The following GPR26 variants were observed in gnomAD, a reference collection of about 807,000 sequenced individuals.
GPR26 encodes the protein G protein-coupled receptor 26.
A neutral mutation model predicts 23.1 loss-of-function variants in GPR26; 15 were observed. The observed-to-expected ratio is 0.65, with a 90% CI of 0.43 to 1.00. The LOEUF is 1.00. GPR26 is among the 50% of genes least tolerant of loss of function. The probability of loss-of-function intolerance (pLI) is 0.00; values close to 1 mark genes in which losing one functional copy is unlikely to be tolerated. For synonymous variants in GPR26, 228 were observed against 222.1 expected (o/e 1.03, Z -0.24); for missense variants, 359 against 470.5 (o/e 0.76, Z 2.19).
intron 2 of GPR26, among the ~76,000 whole-genome samples, chr10:123,683,848 C>T (rs1305381164): frequency 1.3e-5 from 2 of 152,174 alleles, no homozygotes; most frequent in Non-Finnish European, 2.9e-5. Context: ...CACCCTAAGT[C>T]AGAAAAATAC....
In GPR26 at chr10:123,689,711, T is replaced by C. The variant is rs1030130171; in HGVS notation, c.*1551T>C. The C allele has an allele frequency of 1.3e-5, 2 of 152,224 alleles. No homozygotes were observed. Among genetic ancestry groups the C allele is most frequent in the African/African-American group, 4.8e-5 (2 of 41,454 alleles). 9.4% of individuals were successfully genotyped at this position (152,224 alleles called of 1,614,324 possible). A position where few individuals can be genotyped will look rare whatever the true frequency, so the allele number is the denominator to read the frequency against. ...TTTACTTCTAGGCAGTCCCAATTTT[T>C]AAAGGCAGAGAAGTATCTGCATCTT... On this transcript the variant is annotated 3_prime_UTR_variant, in exon 3 of 3. Coordinates refer to ENST00000284674, the MANE Select transcript of GPR26 (RefSeq NM_153442.4).
At position 123,687,961 on chromosome 10, in the gene GPR26, G is replaced by T; in HGVS notation, c.815G>T (p.Gly272Val). The T allele has an allele frequency of 7.4e-6, 12 of 1,613,424 alleles. No individual in the cohort carries two copies. Among genetic ancestry groups the T allele is most frequent in the Non-Finnish European group, 1.0e-5 (12 of 1,179,588 alleles). ...LVELFSTVPI[G>V]SHWGVLSKCL... ...GAGCTCTTCTCCACGGTGCCCATCG[G>T]CTCCCACTGGGGGGTGCTGTCCAAG... The change falls in exon 3 of 3, where the codon GGC becomes GTC. Residue 272 changes from glycine to valine, a missense_variant. Gly to Val is a moderately radical substitution (Grantham distance 109). Transcript: ENST00000284674.
chr10:123,681,766 T>C (rs1845380450), intron 2 of GPR26, among the ~76,000 whole-genome samples: 1 of 152,262 alleles, frequency 6.6e-6, no homozygotes, highest in Non-Finnish European at 1.5e-5. Flanking sequence ...AACATTCCAG[T>C]GTTCCTGTAG....
intron 1 of GPR26, among the ~76,000 whole-genome samples, chr10:123,667,940 AAAT>A (rs1482885846): frequency 6.6e-6 from 1 of 152,104 alleles, no homozygotes; most frequent in African/African-American, 2.4e-5. Flanking sequence ...GGAGAATAGG[AAAT>A]CGAGGAGGGA....
intron 2 of GPR26, 100 bp from the exon 3 acceptor site, chr10:123,687,829 C>A: frequency 1.4e-6 from 1 of 739,538 alleles, no homozygotes; most frequent in Non-Finnish European, 2.3e-6. Flanking sequence ...GGTTGGGCTG[C>A]GAAACCGTGG....
At chr10:123,671,838 C>T (rs755872199) in intron 1 of GPR26, among the ~76,000 whole-genome samples, 4 of 152,162 alleles carry the variant, frequency 2.6e-5, no homozygotes, top group Non-Finnish European at 5.9e-5. Flanking sequence ...TCAGTGTTCT[C>T]ATCTGAATAT....
rs1845541085 is a variant in GPR26 at position 123,696,162 on chromosome 10, T to C, written c.*8002T>C. ...TCTCCTTCTGCCATAGTATGTCGTG[T>C]GTAGTGGATGCCAGTAGACAACTTT... On this transcript the variant is annotated 3_prime_UTR_variant, in exon 3 of 3. Transcript: ENST00000284674. Among the ~76,000 whole-genome samples, 1 of 152,212 alleles carries C rather than the reference T, an allele frequency of 6.6e-6. No individual in the cohort carries two copies. The highest frequency in any genetic ancestry group is 1.5e-5 in the Non-Finnish European group (1 of 68,036).
rs1340367877 is a variant in GPR26 at position 123,693,149 on chromosome 10, G to A, written c.*4989G>A. The A allele has an allele frequency of 6.6e-6, 1 of 152,192 alleles. No individual in the cohort carries two copies. Among genetic ancestry groups the A allele is most frequent in the Non-Finnish European group, 1.5e-5 (1 of 68,068 alleles). 9.4% of individuals were successfully genotyped at this position (152,192 alleles called of 1,614,324 possible). A position where few individuals can be genotyped will look rare whatever the true frequency, so the allele number is the denominator to read the frequency against. ...CCGTCATATGGCTGCCACTTGCTTG[G>A]GAAGGAATTCTCCAGACTCCTTTTA... is the stretch of plus-strand genomic sequence containing the variant. On this transcript the variant is annotated 3_prime_UTR_variant, in exon 3 of 3. Coordinates refer to ENST00000284674, the MANE Select transcript of GPR26 (RefSeq NM_153442.4).
intron 1 of GPR26, among the ~76,000 whole-genome samples, chr10:123,672,911 A>G (rs1845266663): frequency 6.6e-6 from 1 of 152,166 alleles, no homozygotes; most frequent in Non-Finnish European, 1.5e-5. Flanking sequence ...TGTAATTTAT[A>G]TCTTCTCATC....
intron 2 of GPR26, among the ~76,000 whole-genome samples, chr10:123,686,853 G>A (rs1478761862): frequency 6.6e-6 from 1 of 152,144 alleles, no homozygotes; most frequent in Admixed American, 6.6e-5. Flanking sequence ...TTCCCTCTCT[G>A]GGCCTCAATT....
In GPR26 at chr10:123,694,846, C is replaced by T. The variant is rs1845525209; in HGVS notation, c.*6686C>T. ...TTTGAGGGGCATCTTCATTACACAGCGTGGGGAGGGAAGCATAATTCACTC... is the reference window on the plus strand; with the variant it reads ...TTTGAGGGGCATCTTCATTACACAGTGTGGGGAGGGAAGCATAATTCACTC... On this transcript the variant is annotated 3_prime_UTR_variant, in exon 3 of 3. Transcript: ENST00000284674. Among the ~76,000 whole-genome samples, 1 of 152,050 alleles carries T rather than the reference C, an allele frequency of 6.6e-6. No homozygotes were observed. Among genetic ancestry groups the T allele is most frequent in the Admixed American group, 6.5e-5 (1 of 15,272 alleles).
chr10:123,676,951 C>G (rs1271549310), intron 2 of GPR26, among the ~76,000 whole-genome samples: 1 of 152,204 alleles, frequency 6.6e-6, no homozygotes, highest in Non-Finnish European at 1.5e-5. Context: ...GCACCATCCA[C>G]AGTGCCCCTG....
In GPR26 at chr10:123,691,821, G is replaced by C. The variant is rs1184775874; in HGVS notation, c.*3661G>C. 6.6e-6 allele frequency: 1 copy of C among 152,108 alleles called. No individual in the cohort carries two copies. The highest frequency in any genetic ancestry group is 1.5e-5 in the Non-Finnish European group (1 of 68,028). The allele number at this position is 152,108 out of a possible 1,614,324, so 9.4% of individuals were successfully genotyped here. ...CCTCCTCAGAGATCAATTTCAGCAG[G>C]GCCAGGCAGGACCTGGGTTTCCGCA... On this transcript the variant is annotated 3_prime_UTR_variant, in exon 3 of 3. Coordinates refer to ENST00000284674, the MANE Select transcript of GPR26 (RefSeq NM_153442.4).
chr10:123,676,007 GCCC>G (rs2133925338), intron 2 of GPR26, among the ~76,000 whole-genome samples: 1 of 152,234 alleles, frequency 6.6e-6, no homozygotes, highest in East Asian at 1.9e-4. Context: ...TGGACAGTTC[GCCC>G]TGTTTCCTCC....
At chr10:123,687,226 AG>A (rs1287074511) in intron 2 of GPR26, among the ~76,000 whole-genome samples, 2 of 152,172 alleles carry the variant, frequency 1.3e-5, no homozygotes, top group Non-Finnish European at 2.9e-5. Context: ...CCCAGGGAAG[AG>A]GCCTTCCTTG....
Position 123,674,829 on chromosome 10 carries a change from G to A in GPR26, c.680G>A (p.Arg227His), listed in dbSNP as rs1334968616. The A allele has an allele frequency of 6.8e-6, 11 of 1,612,192 alleles. No homozygotes were observed. Among genetic ancestry groups the A allele is most frequent in the Non-Finnish European group, 7.6e-6 (9 of 1,178,848 alleles). ...LVDLHPSVRERCLEEQKRRRQ... is the reference protein window; with the variant it reads ...LVDLHPSVREHCLEEQKRRRQ... ...TCTCTCACATGCAGTGTGCGGGAAC[G>A]CTGTCTGGAGGAGCAGAAGCGGAGG... The change falls in exon 2 of 3, where the codon CGC (arginine) becomes CAC (histidine). Residue 227 changes from arginine to histidine, a missense_variant. Physicochemically the swap from Arg to His is conservative, Grantham distance 29 (BLOSUM62 0). Transcript: ENST00000284674. This position sits in a 1 kb window ranked among gnomAD's most constrained non-coding sequence, Gnocchi z 4.1.
chr10:123,678,860 G>C (rs1845337825), intron 2 of GPR26, among the ~76,000 whole-genome samples: 1 of 152,174 alleles, frequency 6.6e-6, no homozygotes, highest in Admixed American at 6.5e-5. Context: ...TAATCTCACA[G>C]TCACCTCCAG....
chr10:123,666,647 C>T lies in GPR26; in HGVS notation c.240C>T (p.Arg80=). The T allele has an allele frequency of 6.3e-7, 1 of 1,596,490 alleles. No individual in the cohort carries two copies. Among genetic ancestry groups the T allele is most frequent in the Non-Finnish European group, 8.5e-7 (1 of 1,175,984 alleles). Residue 80 remains arginine (R), a synonymous_variant, in exon 1 of 3, where the codon CGC becomes CGT. Coordinates refer to ENST00000284674, the MANE Select transcript of GPR26 (RefSeq NM_153442.4). The part of the protein sequence containing the change: ...QRQPAGDRLC[R]LAAFLDTFLA... ...AGCCGGCGGGCGACCGCCTGTGCCGCCTGGCTGCCTTCCTCGACACCTTCC... is the reference window on the plus strand; with the variant it reads ...AGCCGGCGGGCGACCGCCTGTGCCGTCTGGCTGCCTTCCTCGACACCTTCC...
Position 123,695,970 on chromosome 10 carries a change from G to C in GPR26, c.*7810G>C, listed in dbSNP as rs1220868274. 2.0e-5 allele frequency among the ~76,000 whole-genome samples: 3 copies of C among 152,150 alleles called. No homozygotes were observed. The highest frequency in any genetic ancestry group is 4.4e-5 in the Non-Finnish European group (3 of 68,036). ...ATCACAAACAGCACAAATTAAAAAG[G>C]TGCCTTGCCTGATGCCCATTACCAC... On this transcript the variant is annotated 3_prime_UTR_variant, in exon 3 of 3. Transcript: ENST00000284674.
Sources: allele counts gnomAD v4.1 joint callset (sites outside exome capture counted in the v4.1 genomes callset), GRCh38; gene constraint gnomAD v4.1.1; non-coding constraint Gnocchi (gnomAD v3.1); transcripts MANE v1.5; gene names NCBI Gene and HGNC (gene_info 2026-07-23, HGNC 2026-07-21).